Variants in JAK2 observed in about 807,000 individuals in gnomAD.
JAK2 encodes the protein tyrosine-protein kinase JAK2.
Under a neutral mutation model 139.3 loss-of-function variants are expected in JAK2, and 86 were observed. The observed-to-expected ratio is 0.62, with a 90% confidence interval of 0.52 to 0.74. JAK2 has a LOEUF of 0.74. Among genes scored for constraint, JAK2 ranks in the 30% least tolerant of loss-of-function variants. JAK2 has a pLI of 0.00. For missense variants in JAK2, 1,421 were observed against 1,360.3 expected (o/e 1.04, Z -0.70); for synonymous variants, 490 against 437.7 (o/e 1.12, Z -1.49).
intron 22 of JAK2, chr9:5,094,654 GA>G: frequency 1.3e-5 from 2 of 152,110 alleles, no homozygotes; most frequent in African/African-American, 4.8e-5. Context: ...AAAACTAACC[GA>G]GCCCCTTTTG....
intron 2 of JAK2, among the ~76,000 whole-genome samples, chr9:5,020,329 C>T (rs1822334081): frequency 1.3e-5 from 2 of 152,214 alleles, no homozygotes; most frequent in East Asian, 1.9e-4. Context: ...TGGTGCGATC[C>T]CAAGGCCCCC....
intron 22 of JAK2, among the ~76,000 whole-genome samples, chr9:5,093,733 G>A (rs944731831): frequency 9.2e-5 from 14 of 152,016 alleles, no homozygotes; most frequent in African/African-American, 3.4e-4. Context: ...GTTACCCTAG[G>A]GATAACAGTG....
intron 6 of JAK2, among the ~76,000 whole-genome samples, chr9:5,053,609 A>G (rs1817567053): frequency 6.6e-6 from 1 of 152,092 alleles, no homozygotes; most frequent in African/African-American, 2.4e-5. Flanking sequence ...AACAGAAGCC[A>G]AACTGGAATG....
chr9:5,122,059 GTAC>G (rs1286802810), intron 22 of JAK2, among the ~76,000 whole-genome samples: 1 of 152,164 alleles, frequency 6.6e-6, no homozygotes, highest in African/African-American at 2.4e-5. Context: ...TGGACTGCCA[GTAC>G]TATAGGAATT....
chr9:5,080,235 A>G lies in JAK2; in HGVS notation c.2138A>G (p.Gln713Arg), dbSNP rs754439704. ...SITVLPKDILQERIPWVPPEC... is the reference protein window; with the variant it reads ...SITVLPKDILRERIPWVPPEC... The stretch of plus-strand genomic sequence containing the variant: ...TGTTCGTATCATTTAAAAGTTCTTC[A>G]GGAGAGAATACCATGGGTACCACCT... The change falls in exon 17 of 25, where the codon CAG becomes CGG. Residue 713 changes from glutamine (Q) to arginine (R), a missense_variant. By Grantham distance (43) the Gln-to-Arg change is conservative (BLOSUM62 1). Coordinates refer to ENST00000381652, the MANE Select transcript of JAK2 (RefSeq NM_004972.4). The G allele has an allele frequency of 6.2e-7, 1 of 1,610,220 alleles. No homozygotes were observed. The highest frequency in any genetic ancestry group is 8.5e-7 in the Non-Finnish European group (1 of 1,177,964).
At chr9:5,055,596 T>A in intron 7 of JAK2, 73 bp from the exon 8 acceptor site, 1 of 1,161,240 alleles carries the variant, frequency 8.6e-7, no homozygotes, top group Non-Finnish European at 1.2e-6. Context: ...AAGAATGTTG[T>A]CTTCTTAAGT....
intron 22 of JAK2, among the ~76,000 whole-genome samples, chr9:5,116,414 C>G (rs1415940975): frequency 1.3e-5 from 2 of 152,160 alleles, no homozygotes; most frequent in Admixed American, 1.3e-4. Context: ...AACATTAGAA[C>G]TGCGTTCATC....
chr9:5,056,917 A>T (rs1817806499), intron 8 of JAK2, among the ~76,000 whole-genome samples: 1 of 152,172 alleles, frequency 6.6e-6, no homozygotes, highest in Non-Finnish European at 1.5e-5. Context: ...GGGCTATTTA[A>T]ACTCAAATGC....
chr9:5,048,057 C>T (rs989507502), intron 5 of JAK2, among the ~76,000 whole-genome samples: 5 of 152,164 alleles, frequency 3.3e-5, no homozygotes, highest in African/African-American at 1.2e-4. Flanking sequence ...TGCCATCACT[C>T]ATTTTTCATA....
chr9:5,120,805 C>T (rs571023767), intron 22 of JAK2, among the ~76,000 whole-genome samples: 3 of 152,130 alleles, frequency 2.0e-5, no homozygotes, highest in East Asian at 1.9e-4. Context: ...GTGAAAGATG[C>T]GTCAAAAATA....
chr9:5,088,961 A>C (rs990056860), intron 19 of JAK2, among the ~76,000 whole-genome samples: 1 of 152,252 alleles, frequency 6.6e-6, no homozygotes, highest in African/African-American at 2.4e-5. Context: ...CATTTAGCCC[A>C]TAACAGACAC....
intron 22 of JAK2, chr9:5,112,113 C>T (rs1040162476): frequency 6.0e-6 from 2 of 334,994 alleles, no homozygotes; most frequent in South Asian, 4.7e-5. Flanking sequence ...AGGGCATCCA[C>T]GTGCTCTGCA....
At position 5,126,420 on chromosome 9, in the gene JAK2, C is replaced by T. The variant is rs770472387; in HGVS notation, c.3265C>T (p.Pro1089Ser). ...ACTTTTGAAGAATAATGGAAGATTA[C>T]CAAGACCAGATGGATGCCCAGATGA... ...IELLKNNGRL[P>S]RPDGCPDEIY... is the part of the protein sequence containing the mutation. The change falls in exon 24 of 25, where the codon CCA becomes TCA. Residue 1089 changes from proline to serine, a missense_variant. By Grantham distance (74) the Pro-to-Ser change is moderately conservative (BLOSUM62 -1). Transcript: ENST00000381652. The T allele has an allele frequency of 8.7e-6, 14 of 1,609,382 alleles. 1 individual carries two copies. In the South Asian group the frequency reaches 1.4e-4, roughly 16 times the overall value.
chr9:4,992,868 A>T (rs1286515069), intron 2 of JAK2, among the ~76,000 whole-genome samples: 1 of 152,152 alleles, frequency 6.6e-6, no homozygotes, highest in Non-Finnish European at 1.5e-5. Flanking sequence ...CAGTTCCTTG[A>T]TTAGGTCTCA....
chr9:5,044,281 G>GTA, intron 4 of JAK2, 122 bp from the exon 5 acceptor site: 1 of 664,710 alleles, frequency 1.5e-6, no homozygotes, highest in Non-Finnish European at 2.7e-6. Flanking sequence ...ATTTAATACT[G>GTA]TTAGCTGTGT....
chr9:5,110,018 T>C (rs1435610382), intron 22 of JAK2: 1 of 152,194 alleles, frequency 6.6e-6, no homozygotes, highest in Non-Finnish European at 1.5e-5. Context: ...TTATTTTAGT[T>C]ATAGCATGGT....
intron 23 of JAK2, 86 bp from the exon 24 acceptor site, chr9:5,126,247 T>A (rs1823986746): frequency 1.1e-6 from 1 of 883,260 alleles, no homozygotes; most frequent in Non-Finnish European, 1.8e-6. Flanking sequence ...ATATACTAAA[T>A]TTTTTCCCAT....
chr9:5,098,439 A>AC (rs1821194684), intron 22 of JAK2: 1 of 152,128 alleles, frequency 6.6e-6, no homozygotes, highest in Non-Finnish European at 1.5e-5. Flanking sequence ...TTATTTTCCT[A>AC]ATTAGTTCCT....
At chr9:5,011,911 C>A (rs185194373) in intron 2 of JAK2, among the ~76,000 whole-genome samples, 2 of 152,284 alleles carry the variant, frequency 1.3e-5, no homozygotes, top group Admixed American at 1.3e-4. Flanking sequence ...TCTGGCGTTT[C>A]AGTGGAAAGC....
Sources: allele counts gnomAD v4.1 joint callset (sites outside exome capture counted in the v4.1 genomes callset), GRCh38; gene constraint gnomAD v4.1.1; transcripts MANE v1.5; gene names NCBI Gene and HGNC (gene_info 2026-07-23, HGNC 2026-07-21).